Variants in ZFHX3 observed in about 807,000 individuals in gnomAD.
ZFHX3 encodes zinc finger homeobox protein 3.
A neutral mutation model predicts 279.1 loss-of-function variants in ZFHX3; 42 were observed. That is an observed-to-expected ratio of 0.15 (90% CI 0.12 to 0.19). The LOEUF (loss-of-function observed/expected upper bound fraction) is 0.19. Ranked by LOEUF, ZFHX3 falls within the 10% of genes least tolerant of loss-of-function variation. The probability of loss-of-function intolerance (pLI) is 1.00; values close to 1 mark genes in which losing one functional copy is unlikely to be tolerated. For synonymous variants in ZFHX3, 2,293 were observed against 1,957.8 expected, an observed-to-expected ratio of 1.17 and a Z score of -4.52; for missense variants, 4,981 against 4,754.0, an observed-to-expected ratio of 1.05 and a Z score of -1.40.
chr16:73,014,389 T>G (rs1350842199), intron 1 of ZFHX3: 1 of 152,206 alleles, frequency 6.6e-6, no homozygotes, highest in Non-Finnish European at 1.5e-5. Flanking sequence ...ATACGTAATA[T>G]TCTATGCACA....
intron 3 of ZFHX3, among the ~76,000 whole-genome samples, chr16:73,386,193 C>CTCGTCTCT (rs1555513204): frequency 6.6e-6 from 1 of 151,564 alleles, no homozygotes; most frequent in Non-Finnish European, 1.5e-5. Context: ...TCTCTCCCAC[C>CTCGTCTCT]GTCTCTGTCT....
chr16:73,766,536 C>G (rs546756409), intron 1 of ZFHX3, among the ~76,000 whole-genome samples: 1 of 152,196 alleles, frequency 6.6e-6, no homozygotes, highest in Non-Finnish European at 1.5e-5. Flanking sequence ...GCATCCTATC[C>G]TAGCAAGTAT....
At chr16:73,186,399 T>C (rs1967908010) in intron 5 of ZFHX3, among the ~76,000 whole-genome samples, 1 of 152,096 alleles carries the variant, frequency 6.6e-6, no homozygotes, top group African/African-American at 2.4e-5. Context: ...GCTCACTCTC[T>C]GTAACTGCAA....
chr16:72,817,052 G>A lies in ZFHX3; in HGVS notation c.3530-5014C>T, dbSNP rs112079059. The stretch of plus-strand genomic sequence containing the variant: ...AATTTGCAAGAAATGGTTTTATTAC[G>A]TTGTAAGCATATAGAATAATGAAAA... On this transcript the variant is annotated intron_variant, in intron 5 of 9. Coordinates refer to ENST00000268489, the MANE Select transcript of ZFHX3 (RefSeq NM_006885.4). Among the ~76,000 whole-genome samples, 1,168 of 152,288 alleles carry A rather than the reference G, an allele frequency of 7.7e-3. 20 individuals carry two copies. Among genetic ancestry groups the A allele is most frequent in the African/African-American group, 0.018 (737 of 41,548 alleles).
rs144431695 is a variant in ZFHX3 at position 72,860,363 on chromosome 16, C to G, written c.3448+29368G>C. Among the ~76,000 whole-genome samples the G allele has an allele frequency of 3.9e-5, 6 of 152,308 alleles. No individual in the cohort carries two copies. The East Asian group carries it at 7.7e-4, about 20-fold the overall frequency. On this transcript the variant is annotated intron_variant, in intron 4 of 9. Coordinates refer to ENST00000268489, the MANE Select transcript of ZFHX3 (RefSeq NM_006885.4). ...TCTTAAAAGCCTGCCCGCTTTCCCC[C>G]CTCTTTCCTTTCAGCGTTTAACAAA... is the stretch of plus-strand genomic sequence containing the variant.
At chr16:73,841,860 A>G (rs1961316922) in intron 1 of ZFHX3, among the ~76,000 whole-genome samples, 2 of 152,186 alleles carry the variant, frequency 1.3e-5, no homozygotes, top group East Asian at 1.9e-4. Flanking sequence ...TTCTTTGCAC[A>G]TGAGCGCATA....
chr16:73,281,494 G>T (rs900702692), intron 4 of ZFHX3, among the ~76,000 whole-genome samples: 20 of 152,198 alleles, frequency 1.3e-4, no homozygotes, highest in Non-Finnish European at 2.6e-4. Flanking sequence ...TGGTTACAGG[G>T]TACAGAGTTG....
At chr16:73,677,470 C>T (rs536549833) in intron 2 of ZFHX3, among the ~76,000 whole-genome samples, 1 of 151,822 alleles carries the variant, frequency 6.6e-6, no homozygotes, top group South Asian at 2.1e-4. Context: ...AAGCATGCAA[C>T]TTTAAAAGCT....
chr16:73,830,718 C>G (rs7186656), intron 1 of ZFHX3, among the ~76,000 whole-genome samples: 9,413 of 152,250 alleles, frequency 0.062, 975 homozygotes, highest in African/African-American at 0.21. Flanking sequence ...TAAATTCAAA[C>G]CAGCAGTATA....
At chr16:73,136,303 A>C (rs1966791162) in intron 6 of ZFHX3, among the ~76,000 whole-genome samples, 1 of 151,490 alleles carries the variant, frequency 6.6e-6, no homozygotes, top group Non-Finnish European at 1.5e-5. Flanking sequence ...TGAGGACATC[A>C]CTCTTCTGCC....
intron 1 of ZFHX3, among the ~76,000 whole-genome samples, chr16:73,720,189 G>A (rs575894771): frequency 6.6e-6 from 1 of 152,336 alleles, no homozygotes; most frequent in Admixed American, 6.5e-5. Context: ...AATCTCTAGT[G>A]TGGAAAAAGA....
intron 2 of ZFHX3, among the ~76,000 whole-genome samples, chr16:73,576,312 C>T (rs2051798879): frequency 6.6e-6 from 1 of 152,098 alleles, no homozygotes; most frequent in Admixed American, 6.6e-5. Flanking sequence ...GATTCAAAGC[C>T]CTGAAATTCT....
chr16:73,152,167 G>A (rs1328088438), intron 5 of ZFHX3, among the ~76,000 whole-genome samples: 1 of 152,086 alleles, frequency 6.6e-6, no homozygotes, highest in Non-Finnish European at 1.5e-5. Flanking sequence ...TCAAGACCCT[G>A]GATATCACTC....
At chr16:73,149,223 T>A (rs1966886039) in intron 5 of ZFHX3, among the ~76,000 whole-genome samples, 1 of 145,618 alleles carries the variant, frequency 6.9e-6, no homozygotes, top group Non-Finnish European at 1.5e-5. Context: ...TTAATTATAT[T>A]CATATTGTCA....
At chr16:73,351,825 C>T (rs933426678) in intron 3 of ZFHX3, among the ~76,000 whole-genome samples, 5 of 152,196 alleles carry the variant, frequency 3.3e-5, no homozygotes, top group Admixed American at 6.5e-5. Context: ...GAATAGTGCC[C>T]TCCCCCAAAA....
intron 2 of ZFHX3, among the ~76,000 whole-genome samples, chr16:73,483,622 G>A (rs1852886916): frequency 1.3e-5 from 2 of 152,088 alleles, no homozygotes; most frequent in Admixed American, 1.3e-4. Context: ...AGAGTGGGGG[G>A]CGGGGGAGCT....
chr16:73,035,902 T>A (rs752095340), intron 1 of ZFHX3, among the ~76,000 whole-genome samples: 1 of 152,122 alleles, frequency 6.6e-6, no homozygotes, highest in Non-Finnish European at 1.5e-5. Flanking sequence ...AGACCCTGTC[T>A]CAAAAACAAA....
chr16:73,345,579 T>C (rs1053245773), intron 3 of ZFHX3, among the ~76,000 whole-genome samples: 1 of 152,184 alleles, frequency 6.6e-6, no homozygotes, highest in Admixed American at 6.5e-5. Context: ...CTCGTTCCTT[T>C]TTATGGCTGC....
intron 3 of ZFHX3, among the ~76,000 whole-genome samples, chr16:72,900,711 G>A (rs534764197): frequency 2.0e-5 from 3 of 152,318 alleles, no homozygotes; most frequent in African/African-American, 2.4e-5. Flanking sequence ...CTAGATCGCT[G>A]GGGCCATCCC....
Sources: allele counts gnomAD v4.1 joint callset (sites outside exome capture counted in the v4.1 genomes callset), GRCh38; gene constraint gnomAD v4.1.1; transcripts MANE v1.5; gene names NCBI Gene and HGNC (gene_info 2026-07-23, HGNC 2026-07-21).